The following ARHGEF16 variants were observed in gnomAD, a reference collection of about 807,000 sequenced individuals.
ARHGEF16 encodes the protein Rho guanine nucleotide exchange factor 16.
In ARHGEF16, 59 loss-of-function variants were observed where a neutral mutation model predicts 74.1. The ratio of observed to expected loss-of-function variants is 0.80; its 90% CI spans 0.65 to 0.99. The LOEUF is 0.99. Among genes scored for constraint, ARHGEF16 ranks in the 50% least tolerant of loss-of-function variants. The pLI is 0.00. For missense variants in ARHGEF16, 948 were observed against 986.6 expected (o/e 0.96, Z 0.52); for synonymous variants, 415 against 412.6 (o/e 1.01, Z -0.07).
Position 3,478,476 on chromosome 1 carries a change from G to A in ARHGEF16, c.1678G>A (p.Glu560Lys). The stretch of plus-strand genomic sequence containing the variant: ...CGCCCAGATGAACCACATCCAGGTG[G>A]AGAAGATAGAGCCGTCTGAGCTCCC... Reference protein sequence around the residue: ...DYAQMNHIQVEKIEPSELPLP... With the variant: ...DYAQMNHIQVKKIEPSELPLP... Residue 560 changes from glutamate to lysine, a missense_variant, in exon 12 of 15, where the codon GAG (glutamate) becomes AAG (lysine). Transcript: ENST00000378378. 6.2e-7 allele frequency: 1 copy of A among 1,612,458 alleles called. No individual in the cohort carries two copies. The highest frequency in any genetic ancestry group is 1.3e-5 in the African/African-American group (1 of 75,058).
intron 12 of ARHGEF16, 100 bp from the exon 13 acceptor site, chr1:3,479,417 C>CAA: frequency 2.3e-6 from 3 of 1,298,840 alleles, no homozygotes; most frequent in Non-Finnish European, 3.3e-6. Flanking sequence ...CCACCCCCAT[C>CAA]TCCTTGCCAC....
chr1:3,476,275 C>G (rs1044288748), intron 10 of ARHGEF16, among the ~76,000 whole-genome samples: 1 of 152,168 alleles, frequency 6.6e-6, no homozygotes, highest in Non-Finnish European at 1.5e-5. Flanking sequence ...GACCCCTCCC[C>G]TAATCCCACT....
intron 8 of ARHGEF16, chr1:3,474,326 TCC>T: frequency 7.2e-6 from 2 of 276,532 alleles, no homozygotes; most frequent in East Asian, 1.6e-4. Flanking sequence ...GAGCTAAGCT[TCC>T]TGAGGCTACA....
chr1:3,474,880 C>A, intron 9 of ARHGEF16, 98 bp downstream of exon 9: 1 of 1,105,712 alleles, frequency 9.0e-7, no homozygotes, highest in Non-Finnish European at 1.3e-6. Flanking sequence ...CTGGCTTCCC[C>A]TACCTTCCAG....
At chr1:3,468,966 C>A (rs1379263927) in intron 5 of ARHGEF16, 30 bp downstream of exon 5, 2 of 1,548,954 alleles carry the variant, frequency 1.3e-6, no homozygotes, top group East Asian at 4.9e-5. Flanking sequence ...GAGGGCTGTC[C>A]CCCATGGCCT....
chr1:3,455,007 G>T lies in ARHGEF16; in HGVS notation c.-20+196G>T, dbSNP rs954679134. 1.4e-3 allele frequency among the ~76,000 whole-genome samples: 209 copies of T among 152,044 alleles called. 2 individuals are homozygous for T. Among genetic ancestry groups the T allele is most frequent in the Middle Eastern group, 0.01 (3 of 292 alleles). On this transcript the variant is annotated intron_variant, in intron 1 of 14. Coordinates refer to ENST00000378378, the MANE Select transcript of ARHGEF16 (RefSeq NM_014448.4). Reference sequence around the variant, plus strand: ...GCTCCGCCGGGGCGGGAGAGGCGGGGCTCGCGGGCTGAGCCGGATGCGACT... The same window carrying T: ...GCTCCGCCGGGGCGGGAGAGGCGGGTCTCGCGGGCTGAGCCGGATGCGACT...
In ARHGEF16 at chr1:3,478,396, G is replaced by A. The variant is rs199906377; in HGVS notation, c.1626-28G>A. 294 of 1,566,920 alleles carry A rather than the reference G, an allele frequency of 1.9e-4. 1 individual carries two copies. In the East Asian group the frequency reaches 3.8e-3, roughly 20 times the overall value. On this transcript the variant is annotated intron_variant, in intron 11 of 14. Coordinates refer to ENST00000378378, the MANE Select transcript of ARHGEF16 (RefSeq NM_014448.4). ...CACTGGGTAGGAGCTGGGTGGGACC[G>A]TCCCACCGACTGCCCGTGTCTCCAC...
At position 3,463,301 on chromosome 1, in the gene ARHGEF16, C is replaced by T; in HGVS notation, c.217C>T (p.Leu73=). The T allele has an allele frequency of 1.3e-6, 2 of 1,550,214 alleles. No individual in the cohort carries two copies. Among genetic ancestry groups the T allele is most frequent in the Middle Eastern group, 1.7e-4 (1 of 5,988 alleles). ...PGHEEPWPIV[L]STESPAALKL... ...GCACGAGGAGCCATGGCCCATCGTC[C>T]TGAGCACAGAGAGCCCGGCGGCCCT... Residue 73 remains leucine (L), a synonymous_variant, in exon 2 of 15, where the codon CTG becomes TTG. Coordinates refer to ENST00000378378, the MANE Select transcript of ARHGEF16 (RefSeq NM_014448.4).
At chr1:3,478,145 C>T (rs1367046098) in intron 11 of ARHGEF16, 119 bp downstream of exon 11, 13 of 1,388,150 alleles carry the variant, frequency 9.4e-6, no homozygotes, top group Middle Eastern at 3.9e-4. Context: ...AGCCGAGGCG[C>T]GGCTTCCACT....
chr1:3,468,724 C>G (rs983444885), intron 4 of ARHGEF16, 156 bp from the exon 5 acceptor site: 1 of 767,440 alleles, frequency 1.3e-6, no homozygotes, highest in Non-Finnish European at 2.2e-6. Context: ...GATAGGCCCT[C>G]GGCAGGACAG....
chr1:3,476,167 G>A lies in ARHGEF16; in HGVS notation c.1473+105G>A, dbSNP rs114390535. On this transcript the variant is annotated intron_variant, in intron 10 of 14. Transcript: ENST00000378378. ...CCCTGAGCCTGAGGGCTGGAGAGTG[G>A]GTGCCTGCCCTCATGAGGCCTGGGG... is the stretch of plus-strand genomic sequence containing the variant. 1,834 of 1,245,484 alleles carry A rather than the reference G, an allele frequency of 1.5e-3. 21 individuals are homozygous for A. In the African/African-American group the frequency reaches 0.026, roughly 17 times the overall value. The allele number at this position is 1,245,484 out of a possible 1,614,324, so 77.2% of individuals were successfully genotyped here.
At position 3,469,388 on chromosome 1, in the gene ARHGEF16, C is replaced by T. The variant is rs118157011; in HGVS notation, c.862-45C>T. ...CAAGCATTGGTCACCGAGGCACGCC[C>T]GTGTCCAGCGTCACTGTGGGGCTCA... On this transcript the variant is annotated intron_variant, in intron 5 of 14. Transcript: ENST00000378378. 6.5e-4 allele frequency: 1,038 copies of T among 1,605,332 alleles called. 10 individuals are homozygous for T. In the East Asian group the frequency reaches 0.021, roughly 32 times the overall value.
At position 3,473,503 on chromosome 1, in the gene ARHGEF16, G is replaced by A. The variant is rs375667861; in HGVS notation, c.1286G>A (p.Arg429Gln). ...ATCCTCCCCATGCAGCGGGTGACCC[G>A]GCTGCCCCTCCTGATGGATGTAAGT... ...FLILPMQRVT[R>Q]LPLLMDTLCL... The change falls in exon 8 of 15, where the codon CGG becomes CAG. Residue 429 changes from arginine (R) to glutamine (Q), a missense_variant. Physicochemically the swap from Arg to Gln is conservative, Grantham distance 43. Coordinates refer to ENST00000378378, the MANE Select transcript of ARHGEF16 (RefSeq NM_014448.4). The A allele has an allele frequency of 8.1e-6, 13 of 1,609,996 alleles. No individual in the cohort carries two copies. Among genetic ancestry groups the A allele is most frequent in the Middle Eastern group, 1.6e-4 (1 of 6,084 alleles).
chr1:3,466,979 A>T (rs1639564524), intron 3 of ARHGEF16, 189 bp from the exon 4 acceptor site: 1 of 572,926 alleles, frequency 1.7e-6, no homozygotes, highest in African/African-American at 1.9e-5. Flanking sequence ...AGCCCATTTC[A>T]GGTGGGACTT....
rs1280681887 is a variant in ARHGEF16, at chr1:3,463,378, G to A, written c.294G>A (p.Lys98=). The A allele has an allele frequency of 1.2e-5, 18 of 1,550,108 alleles. No individual in the cohort carries two copies. The highest frequency in any genetic ancestry group is 9.8e-5 in the Admixed American group (5 of 50,980). ...CTAAGAGCCTGGCTGTGGCCAGCAA[G>A]GCAAAGACCCCAGCCCGCCACCAGA... ...LIPKSLAVAS[K]AKTPARHQSF... The change falls in exon 2 of 15, where the codon AAG becomes AAA. Residue 98 remains lysine (K), a synonymous_variant. Transcript: ENST00000378378.
rs572161128 is a variant in ARHGEF16, at chr1:3,468,339, C to T, written c.805-541C>T. On this transcript the variant is annotated intron_variant, in intron 4 of 14. Transcript: ENST00000378378. ...GAGTCCTGCAGAGGGGACCCCTGGG[C>T]GGTGTGGCAGCCCTCCTGGTCCTGA... Among the ~76,000 whole-genome samples, 85 of 152,332 alleles carry T rather than the reference C, an allele frequency of 5.6e-4. No individual in the cohort carries two copies. In the East Asian group the frequency reaches 8.9e-3, roughly 16 times the overall value.
chr1:3,472,154 G>A (rs1488491564), intron 6 of ARHGEF16, among the ~76,000 whole-genome samples: 2 of 152,236 alleles, frequency 1.3e-5, no homozygotes, highest in Non-Finnish European at 2.9e-5. Context: ...CTCCTGTGGC[G>A]GCGGCCTGGA....
chr1:3,461,781 C>T (rs1446173537), intron 1 of ARHGEF16, among the ~76,000 whole-genome samples: 5 of 152,332 alleles, frequency 3.3e-5, no homozygotes, highest in South Asian at 2.1e-4. Context: ...CTCGGTCACA[C>T]GGGGTCCAGG....
rs1198418792 is a variant in ARHGEF16, at chr1:3,466,132, T to G, written c.589-16T>G. ...CCGGCTGACAGCTGCGGTTTCTGTG[T>G]CTCTCTTTTGTGCAGAAGACGCTGG... On this transcript the variant is annotated splice_polypyrimidine_tract_variant and intron_variant, in intron 2 of 14. Transcript: ENST00000378378. 1.3e-6 allele frequency: 2 copies of G among 1,547,918 alleles called. No homozygotes were observed. The highest frequency in any genetic ancestry group is 4.0e-5 in the Admixed American group (2 of 50,160).
Sources: allele counts gnomAD v4.1 joint callset (sites outside exome capture counted in the v4.1 genomes callset), GRCh38; gene constraint gnomAD v4.1.1; transcripts MANE v1.5; gene names NCBI Gene and HGNC (gene_info 2026-07-23, HGNC 2026-07-21).